The following AP4B1 variants were observed in gnomAD, a reference collection of about 807,000 sequenced individuals.
The protein encoded by AP4B1 is adaptor related protein complex 4 subunit beta 1.
AP4B1 carries 49 observed loss-of-function variants against 76.5 expected under a neutral mutation model. That is an observed-to-expected ratio of 0.64 (90% CI 0.51 to 0.81). The LOEUF (loss-of-function observed/expected upper bound fraction) is 0.81. AP4B1 is among the 40% of genes least tolerant of loss of function. The pLI, the probability that AP4B1 is intolerant of heterozygous loss-of-function variation, is 0.00. For missense variants in AP4B1, 911 were observed against 904.9 expected (o/e 1.01, Z -0.09); for synonymous variants, 330 against 333.3 (o/e 0.99, Z 0.11).
intron 6 of AP4B1, among the ~76,000 whole-genome samples, chr1:113,898,358 C>T (rs1357530645): frequency 1.3e-5 from 2 of 152,138 alleles, no homozygotes; most frequent in Non-Finnish European, 2.9e-5. Context: ...AGAGTGAGTG[C>T]CTTCTTAAAT....
In AP4B1 at chr1:113,898,780, G is replaced by A. The variant is rs770341436; in HGVS notation, c.1136C>T (p.Thr379Ile). 3.1e-6 allele frequency: 5 copies of A among 1,609,410 alleles called. No homozygotes were observed. The East Asian group carries it at 1.1e-4, about 36-fold the overall frequency. The stretch of plus-strand genomic sequence containing the variant: ...TGTTAAAATCTGAACACATTGATCT[G>A]TGTAAGTCCTGGCAATGCCACCTAC... The part of the protein sequence containing the change: ...FAIGGIARTY[T>I]DQCVQILTEL... Residue 379 changes from threonine to isoleucine, a missense_variant, in exon 6 of 10, where the codon ACA becomes ATA. By Grantham distance (89) the Thr-to-Ile change is moderately conservative. Transcript: ENST00000369569.
At chr1:113,902,184 T>A (rs1342236521) in intron 2 of AP4B1, 2 of 434,190 alleles carry the variant, frequency 4.6e-6, no homozygotes, top group Non-Finnish European at 8.6e-6. Context: ...AGACTACAGG[T>A]GCGTGTCACC....
chr1:113,900,618 C>G (rs1043105470), intron 4 of AP4B1: 1 of 600,170 alleles, frequency 1.7e-6, no homozygotes, highest in Non-Finnish European at 2.9e-6. Context: ...GCACACTCCT[C>G]TAAGACCAAA....
chr1:113,899,168 C>G (rs927836062), intron 5 of AP4B1: 1 of 1,075,152 alleles, frequency 9.3e-7, no homozygotes, highest in Non-Finnish European at 1.1e-6. Flanking sequence ...CAGCAGTCTC[C>G]TAAGGATTTC....
At position 113,898,757 on chromosome 1, in the gene AP4B1, T is replaced by C. The variant is rs1351592509; in HGVS notation, c.1159A>G (p.Thr387Ala). ...TCTTGTCGAAGACCCAGCAACTCTG[T>C]TAAAATCTGAACACATTGATCTGTG... Reference protein sequence around the residue: ...TYTDQCVQILTELLGLRQEHI... With the variant: ...TYTDQCVQILAELLGLRQEHI... Residue 387 changes from threonine (T) to alanine (A), a missense_variant, in exon 6 of 10, where the codon ACA becomes GCA. Coordinates refer to ENST00000369569, the MANE Select transcript of AP4B1 (RefSeq NM_001253852.3). 1 of 1,610,050 alleles carries C rather than the reference T, an allele frequency of 6.2e-7. No homozygotes were observed. The highest frequency in any genetic ancestry group is 2.2e-5 in the East Asian group (1 of 44,876).
At chr1:113,898,652 T>C (rs1667797909) in intron 6 of AP4B1, 66 bp downstream of exon 6, 2 of 1,194,700 alleles carry the variant, frequency 1.7e-6, no homozygotes, top group Non-Finnish European at 1.2e-6. Flanking sequence ...CAAACATGTT[T>C]TGAGCAACTA....
chr1:113,904,850 C>G, upstream of AP4B1: 1 of 833,976 alleles, frequency 1.2e-6, no homozygotes, highest in Non-Finnish European at 2.0e-6. Context: ...TCGCCTCAGG[C>G]TCGGCTTCCG....
At chr1:113,897,799 A>G in intron 7 of AP4B1, 41 bp downstream of exon 7, 1 of 1,603,058 alleles carries the variant, frequency 6.2e-7, no homozygotes, top group Non-Finnish European at 8.5e-7. Flanking sequence ...GGTTTCAAGC[A>G]TTCTCCCCCT....
chr1:113,896,554 C>G, intron 7 of AP4B1, 89 bp from the exon 8 acceptor site: 3 of 1,251,730 alleles, frequency 2.4e-6, no homozygotes, highest in Non-Finnish European at 3.5e-6. Flanking sequence ...TTGCTTTTCG[C>G]TTAGTGCCAG....
intron 4 of AP4B1, chr1:113,900,777 T>A: frequency 3.6e-6 from 1 of 279,436 alleles, no homozygotes; most frequent in Non-Finnish European, 6.9e-6. Flanking sequence ...GTAAGGCAAA[T>A]AAAAGAAATT....
Position 113,895,206 on chromosome 1 carries a change from G to T in AP4B1, c.2079C>A (p.Phe693Leu), listed in dbSNP as rs747918027. The change falls in exon 10 of 10, where the codon TTC becomes TTA. Residue 693 changes from phenylalanine to leucine, a missense_variant. Phe to Leu is a conservative substitution (Grantham distance 22). Transcript: ENST00000369569. ...CAGGCTCCAATAGCAGTTCTGTTAA[G>T]AACAGACAGCCAGTATCATCCTGAG... ...LSAQDDTGCL[F>L]LTELLLEPGN... The T allele has an allele frequency of 7.4e-6, 12 of 1,614,184 alleles. No individual in the cohort carries two copies. Among genetic ancestry groups the T allele is most frequent in the Non-Finnish European group, 1.0e-5 (12 of 1,180,036 alleles).
chr1:113,895,265 C>A lies in AP4B1; in HGVS notation c.2020G>T (p.Ala674Ser), dbSNP rs769479430. The A allele has an allele frequency of 1.2e-5, 20 of 1,614,208 alleles. No individual in the cohort carries two copies. Among genetic ancestry groups the A allele is most frequent in the Middle Eastern group, 1.6e-4 (1 of 6,062 alleles). Reference protein sequence around the residue: ...VNIQTIAMSRAGSRPWKAYLS... With the variant: ...VNIQTIAMSRSGSRPWKAYLS... Reference sequence around the variant, plus strand: ...TATGCTTTCCATGGCCGAGACCCAGCCCTACTCATTGCGATGGTCTGGATG... The same window carrying A: ...TATGCTTTCCATGGCCGAGACCCAGACCTACTCATTGCGATGGTCTGGATG... The change falls in exon 10 of 10, where the codon GCT (alanine) becomes TCT (serine). Residue 674 changes from alanine to serine, a missense_variant. Coordinates refer to ENST00000369569, the MANE Select transcript of AP4B1 (RefSeq NM_001253852.3).
In AP4B1 at chr1:113,895,211, G is replaced by T; in HGVS notation, c.2074C>A (p.Leu692Met). 6.2e-7 allele frequency: 1 copy of T among 1,614,202 alleles called. No individual in the cohort carries two copies. Among genetic ancestry groups the T allele is most frequent in the Non-Finnish European group, 8.5e-7 (1 of 1,180,046 alleles). The change falls in exon 10 of 10, where the codon CTG becomes ATG. Residue 692 changes from leucine (L) to methionine (M), a missense_variant. Transcript: ENST00000369569. ...TCCAATAGCAGTTCTGTTAAGAACA[G>T]ACAGCCAGTATCATCCTGAGCACTG... is the stretch of plus-strand genomic sequence containing the variant. ...YLSAQDDTGC[L>M]FLTELLLEPG...
intron 5 of AP4B1, 147 bp downstream of exon 5, chr1:113,899,757 G>T: frequency 7.7e-7 from 1 of 1,298,438 alleles, no homozygotes; most frequent in Non-Finnish European, 1.1e-6. Flanking sequence ...CTTCCCCCGT[G>T]TTTGTAGTCA....
chr1:113,894,701 A>C lies in AP4B1; in HGVS notation c.*364T>G. ...AGAACAGTTAGGAATTTACTATAAT[A>C]ATCCAGGGAAGAAAAGATGACCCCC... On this transcript the variant is annotated 3_prime_UTR_variant, in exon 10 of 10. Transcript: ENST00000369569. 4.0e-6 allele frequency: 1 copy of C among 251,952 alleles called. No individual in the cohort carries two copies. The highest frequency in any genetic ancestry group is 7.7e-6 in the Non-Finnish European group (1 of 129,182). 15.6% of individuals were successfully genotyped at this position (251,952 alleles called of 1,614,324 possible).
At position 113,903,115 on chromosome 1, in the gene AP4B1, G is replaced by A. The variant is rs1424021135; in HGVS notation, c.114-253C>T. Among the ~76,000 whole-genome samples the A allele has an allele frequency of 3.3e-5, 5 of 152,184 alleles. No homozygotes were observed. The East Asian group carries it at 9.6e-4, about 29-fold the overall frequency. ...GAGTCTTGCTCTGTTACCCAGGCTA[G>A]AGTGCAGTGGCACAATCTCGGCTCA... On this transcript the variant is annotated intron_variant, in intron 1 of 9. Transcript: ENST00000369569.
At chr1:113,896,565 C>G in intron 7 of AP4B1, 100 bp from the exon 8 acceptor site, 1 of 1,075,672 alleles carries the variant, frequency 9.3e-7, no homozygotes, top group Non-Finnish European at 1.4e-6. Context: ...TTAGTGCCAG[C>G]AGAAAAGGTG....
rs541013298 is a variant in AP4B1 at position 113,900,138 on chromosome 1, A to G, written c.880T>C (p.Phe294Leu). ...ACSSESRELC[F>L]VALCHVRQIL... ...TGGCGTACATGACAAAGAGCAACAAAACAGAGCTCACGGCTCTCTGAAGAA... is the reference window on the plus strand; with the variant it reads ...TGGCGTACATGACAAAGAGCAACAAGACAGAGCTCACGGCTCTCTGAAGAA... The change falls in exon 5 of 10, where the codon TTT becomes CTT. Residue 294 changes from phenylalanine to leucine, a missense_variant. Physicochemically the swap from Phe to Leu is conservative, Grantham distance 22. Transcript: ENST00000369569. 1.9e-6 allele frequency: 3 copies of G among 1,614,192 alleles called. No homozygotes were observed. Among genetic ancestry groups the G allele is most frequent in the East Asian group, 2.2e-5 (1 of 44,896 alleles).
chr1:113,901,672 A>T (rs746134390), intron 3 of AP4B1, 83 bp downstream of exon 3: 8 of 1,576,258 alleles, frequency 5.1e-6, no homozygotes, highest in Non-Finnish European at 7.0e-6. Context: ...CCACATTATT[A>T]TTTTCTACCA....
Sources: allele counts gnomAD v4.1 joint callset (sites outside exome capture counted in the v4.1 genomes callset), GRCh38; gene constraint gnomAD v4.1.1; transcripts MANE v1.5; gene names NCBI Gene and HGNC (gene_info 2026-07-23, HGNC 2026-07-21).